The following PTK7 variants were observed in gnomAD, a reference collection of about 807,000 sequenced individuals.
PTK7 encodes the protein inactive tyrosine-protein kinase 7.
Under a neutral mutation model 116.6 loss-of-function variants are expected in PTK7, and 39 were observed. The observed-to-expected ratio is 0.33, with a 90% CI of 0.26 to 0.44. PTK7 has a LOEUF of 0.44. Among genes scored for constraint, PTK7 ranks in the 20% least tolerant of loss-of-function variants. The probability of loss-of-function intolerance (pLI) is 1.00; values close to 1 mark genes in which losing one functional copy is unlikely to be tolerated. For synonymous variants in PTK7, 546 were observed against 563.6 expected (o/e 0.97, Z 0.44); for missense variants, 1,169 against 1,425.6 (o/e 0.82, Z 2.90).
chr6:43,108,863 G>C (rs1265402471), intron 1 of PTK7, among the ~76,000 whole-genome samples: 2 of 152,100 alleles, frequency 1.3e-5, no homozygotes, highest in African/African-American at 4.8e-5. Context: ...TTCATTAGGG[G>C]GTTGTAAAAT....
At chr6:43,106,179 T>C (rs1767878101) in intron 1 of PTK7, among the ~76,000 whole-genome samples, 1 of 152,128 alleles carries the variant, frequency 6.6e-6, no homozygotes, top group African/African-American at 2.4e-5. Context: ...TCTAATGGCC[T>C]CTTGGTGGGC....
Position 43,131,966 on chromosome 6 carries a change from G to T in PTK7, c.813-50G>T, listed in dbSNP as rs372326917. On this transcript the variant is annotated intron_variant, in intron 5 of 19. Coordinates refer to ENST00000230419, the MANE Select transcript of PTK7 (RefSeq NM_002821.5). Reference sequence around the variant, plus strand: ...AGGGGTTCCCTTGCATTCCTTTCCAGAACTAGGCCTATTGGCCACTTTCTC... The same window carrying T: ...AGGGGTTCCCTTGCATTCCTTTCCATAACTAGGCCTATTGGCCACTTTCTC... 3.1e-6 allele frequency: 5 copies of T among 1,610,698 alleles called. No individual in the cohort carries two copies. In the African/African-American group the frequency reaches 6.7e-5, roughly 22 times the overall value.
chr6:43,140,632 A>G (rs1214691792), intron 10 of PTK7, among the ~76,000 whole-genome samples: 1 of 152,050 alleles, frequency 6.6e-6, no homozygotes, highest in Non-Finnish European at 1.5e-5. Context: ...TCATGCCTGT[A>G]ATCCCAGCAC....
chr6:43,090,768 T>C lies in PTK7; in HGVS notation c.79+14201T>C, dbSNP rs1338210545. 2.0e-5 allele frequency among the ~76,000 whole-genome samples: 3 copies of C among 152,334 alleles called. No homozygotes were observed. The East Asian group carries it at 5.8e-4, about 29-fold the overall frequency. On this transcript the variant is annotated intron_variant, in intron 1 of 19. Coordinates refer to ENST00000230419, the MANE Select transcript of PTK7 (RefSeq NM_002821.5). ...CAGATTTCCAATGAATCCTTCCTTCTTCTACTCCCAGGACCTGAAAGGCTC... is the reference window on the plus strand; with the variant it reads ...CAGATTTCCAATGAATCCTTCCTTCCTCTACTCCCAGGACCTGAAAGGCTC...
intron 1 of PTK7, among the ~76,000 whole-genome samples, chr6:43,117,944 A>AG (rs2150411193): frequency 6.6e-6 from 1 of 151,852 alleles, no homozygotes; most frequent in East Asian, 1.9e-4. Flanking sequence ...CAAAAAAAAA[A>AG]ACGAAAGAAA....
intron 7 of PTK7, among the ~76,000 whole-genome samples, chr6:43,137,571 T>C (rs1283835666): frequency 6.6e-6 from 1 of 152,226 alleles, no homozygotes; most frequent in Non-Finnish European, 1.5e-5. Context: ...ATTGGATTTA[T>C]AGGAATCAGG....
chr6:43,148,699 G>A (rs950917570), intron 17 of PTK7, among the ~76,000 whole-genome samples: 1 of 151,964 alleles, frequency 6.6e-6, no homozygotes, highest in Non-Finnish European at 1.5e-5. Flanking sequence ...ATATGATGGG[G>A]GAACTTTAAT....
At chr6:43,088,115 T>C (rs979994599) in intron 1 of PTK7, among the ~76,000 whole-genome samples, 1 of 151,536 alleles carries the variant, frequency 6.6e-6, no homozygotes, top group Non-Finnish European at 1.5e-5. Context: ...CTGGGGAACA[T>C]AGCGAGACCC....
chr6:43,144,883 TA>T (rs1225877919), intron 15 of PTK7: 1 of 419,410 alleles, frequency 2.4e-6, no homozygotes, highest in Non-Finnish European at 4.2e-6. Context: ...ACCATTGTTC[TA>T]GGAAAAAATA....
intron 1 of PTK7, among the ~76,000 whole-genome samples, chr6:43,095,242 C>T (rs1361957957): frequency 2.0e-5 from 3 of 147,118 alleles, no homozygotes; most frequent in Non-Finnish European, 4.5e-5. Context: ...TGTGGTGGCG[C>T]ATGCCTGTAA....
intron 7 of PTK7, among the ~76,000 whole-genome samples, chr6:43,136,714 C>A (rs1770063033): frequency 6.6e-6 from 1 of 152,104 alleles, no homozygotes; most frequent in Non-Finnish European, 1.5e-5. Context: ...TAGAAAAATA[C>A]ACCATGACCC....
chr6:43,144,330 G>T, intron 14 of PTK7, 121 bp from the exon 15 acceptor site: 4 of 1,198,338 alleles, frequency 3.3e-6, no homozygotes, highest in Non-Finnish European at 4.8e-6. Flanking sequence ...GCCCTTTCAT[G>T]TGGAGCACTG....
intron 1 of PTK7, among the ~76,000 whole-genome samples, chr6:43,118,650 T>C (rs1768724335): frequency 1.2e-5 from 1 of 83,688 alleles, no homozygotes; most frequent in Non-Finnish European, 2.3e-5. Flanking sequence ...TCTCTCTCTC[T>C]CTCTCTCTCT....
intron 17 of PTK7, among the ~76,000 whole-genome samples, chr6:43,152,803 A>G (rs1190117421): frequency 7.4e-6 from 1 of 135,034 alleles, no homozygotes; most frequent in African/African-American, 2.7e-5. Context: ...TGTATTCTTT[A>G]GAGACAGAGT....
chr6:43,142,094 C>A lies in PTK7; in HGVS notation c.1919+13C>A. ...AGCTGGGACCCAGGTAGGGCCACCT[C>A]TCTCCCACACCCGTCCCTCCTCTCC... On this transcript the variant is annotated intron_variant, in intron 12 of 19. Coordinates refer to ENST00000230419, the MANE Select transcript of PTK7 (RefSeq NM_002821.5). The A allele has an allele frequency of 6.2e-7, 1 of 1,612,636 alleles. No homozygotes were observed. Among genetic ancestry groups the A allele is most frequent in the Non-Finnish European group, 8.5e-7 (1 of 1,179,302 alleles).
At position 43,145,486 on chromosome 6, in the gene PTK7, C is replaced by T; in HGVS notation, c.2640+54C>T. On this transcript the variant is annotated intron_variant, in intron 16 of 19. Transcript: ENST00000230419. This position sits in a 1 kb window ranked among gnomAD's most constrained non-coding sequence, Gnocchi z 4.8. ...CTCGGGTAGGGAGGGCAGTGTCCTACAAAGGTGGGAGTCAGTGGTTGGAGC... is the reference window on the plus strand; with the variant it reads ...CTCGGGTAGGGAGGGCAGTGTCCTATAAAGGTGGGAGTCAGTGGTTGGAGC... The T allele has an allele frequency of 7.1e-7, 1 of 1,409,496 alleles. No individual in the cohort carries two copies. The highest frequency in any genetic ancestry group is 9.6e-7 in the Non-Finnish European group (1 of 1,045,904). 87.3% of individuals were successfully genotyped at this position (1,409,496 alleles called of 1,614,324 possible).
chr6:43,154,741 T>G (rs960426069), intron 17 of PTK7, among the ~76,000 whole-genome samples: 2 of 152,232 alleles, frequency 1.3e-5, no homozygotes, highest in African/African-American at 4.8e-5. Flanking sequence ...GCTTGGCACC[T>G]CTGCTGGCCT....
chr6:43,121,027 G>A (rs1234124357), intron 1 of PTK7, among the ~76,000 whole-genome samples: 4 of 151,888 alleles, frequency 2.6e-5, no homozygotes, highest in Non-Finnish European at 4.4e-5. Flanking sequence ...CCTGGCTGGG[G>A]AGCACCTTAC....
intron 1 of PTK7, among the ~76,000 whole-genome samples, chr6:43,095,478 C>T (rs531093962): frequency 1.3e-5 from 2 of 152,242 alleles, no homozygotes; most frequent in South Asian, 4.1e-4. Flanking sequence ...TAGGCTTAAG[C>T]ACTTTACCAC....
Sources: allele counts gnomAD v4.1 joint callset (sites outside exome capture counted in the v4.1 genomes callset), GRCh38; gene constraint gnomAD v4.1.1; non-coding constraint Gnocchi (gnomAD v3.1); transcripts MANE v1.5; gene names NCBI Gene and HGNC (gene_info 2026-07-23, HGNC 2026-07-21).